PPP1R9A: variants seen among roughly 807,000 people sequenced by gnomAD.
PPP1R9A encodes neurabin-1.
PPP1R9A carries 59 observed loss-of-function variants against 141.9 expected under a neutral mutation model. That is an observed-to-expected ratio of 0.42 (90% CI 0.34 to 0.52). The LOEUF is 0.52. Ranked by LOEUF, PPP1R9A falls within the 20% of genes least tolerant of loss-of-function variation. The pLI is 0.10. For missense variants in PPP1R9A, 1,444 were observed against 1,611.9 expected (o/e 0.90, Z 1.78); for synonymous variants, 500 against 569.7 (o/e 0.88, Z 1.74).
Position 95,077,484 on chromosome 7 carries a change from T to C in PPP1R9A, c.1396-33775T>C, listed in dbSNP as rs114376167. On this transcript the variant is annotated intron_variant, in intron 2 of 19. Coordinates refer to ENST00000433360, the MANE Select transcript of PPP1R9A (RefSeq NM_001166160.2). ...AGAGAAAGGAAAAATGTATCTCTTA[T>C]ACAGATTTAAGAGTGAATGCACATT... Among the ~76,000 whole-genome samples, 831 of 152,272 alleles carry C rather than the reference T, an allele frequency of 5.5e-3. 8 individuals are homozygous for C. The highest frequency in any genetic ancestry group is 0.019 in the African/African-American group (777 of 41,574).
chr7:95,247,406 T>G, intron 8 of PPP1R9A, 67 bp from the exon 9 acceptor site: 2 of 1,329,792 alleles, frequency 1.5e-6, no homozygotes, highest in East Asian at 4.6e-5. Flanking sequence ...TTCTTGTAGC[T>G]GCTGAGGCTT....
chr7:95,170,877 CTG>C (rs1394132998), intron 5 of PPP1R9A, among the ~76,000 whole-genome samples: 5 of 151,664 alleles, frequency 3.3e-5, no homozygotes, highest in South Asian at 2.1e-4. Context: ...AAGGACATGA[CTG>C]TGTTGTTTGA....
chr7:95,224,126 A>T (rs1794822016), intron 7 of PPP1R9A, among the ~76,000 whole-genome samples: 2 of 152,134 alleles, frequency 1.3e-5, no homozygotes, highest in South Asian at 4.1e-4. Flanking sequence ...TTCACCTGCC[A>T]GTGGCAAAGA....
At chr7:95,072,641 T>C (rs1814015451) in intron 2 of PPP1R9A, among the ~76,000 whole-genome samples, 1 of 125,808 alleles carries the variant, frequency 7.9e-6, no homozygotes, top group South Asian at 2.2e-4. Context: ...TTTTATAATA[T>C]ATAATATATT....
rs190418298 is a variant in PPP1R9A, at chr7:95,179,968, G to T, written c.1754+17997G>T. 4.6e-3 allele frequency among the ~76,000 whole-genome samples: 706 copies of T among 151,990 alleles called. 5 individuals carry two copies. The highest frequency in any genetic ancestry group is 0.016 in the African/African-American group (664 of 41,480). Reference sequence around the variant, plus strand: ...ATACTGACAAAAGCAATCTCCAAATGCAATGCAATTCCCATCAAAATACCA... The same window carrying T: ...ATACTGACAAAAGCAATCTCCAAATTCAATGCAATTCCCATCAAAATACCA... On this transcript the variant is annotated intron_variant, in intron 5 of 19. Coordinates refer to ENST00000433360, the MANE Select transcript of PPP1R9A (RefSeq NM_001166160.2).
chr7:95,147,948 T>C (rs1318049961), intron 4 of PPP1R9A, among the ~76,000 whole-genome samples: 1 of 152,184 alleles, frequency 6.6e-6, no homozygotes, highest in East Asian at 1.9e-4. Flanking sequence ...GATATTGGCC[T>C]GAAATTTTCT....
intron 7 of PPP1R9A, among the ~76,000 whole-genome samples, chr7:95,209,168 G>A (rs949582642): frequency 1.1e-4 from 17 of 152,000 alleles, no homozygotes; most frequent in African/African-American, 3.9e-4. Context: ...TAGGCTTTAT[G>A]TCAACTCAGT....
In PPP1R9A at chr7:94,995,149, G is replaced by T. The variant is rs1168985238; in HGVS notation, c.1395+83641G>T. 4.0e-5 allele frequency among the ~76,000 whole-genome samples: 6 copies of T among 151,720 alleles called. No homozygotes were observed. In the East Asian group the frequency reaches 1.2e-3, roughly 29 times the overall value. On this transcript the variant is annotated intron_variant, in intron 2 of 19. Coordinates refer to ENST00000433360, the MANE Select transcript of PPP1R9A (RefSeq NM_001166160.2). Reference sequence around the variant, plus strand: ...TGATATTTTTTTTCATTACTTTAAAGAAGTTGCTGCATTATCTTCTTGCTG... The same window carrying T: ...TGATATTTTTTTTCATTACTTTAAATAAGTTGCTGCATTATCTTCTTGCTG...
chr7:95,209,023 G>C lies in PPP1R9A; in HGVS notation c.1956+5293G>C, dbSNP rs73724200. Among the ~76,000 whole-genome samples, 405 of 145,104 alleles carry C rather than the reference G, an allele frequency of 2.8e-3. 3 individuals are homozygous for C. Among genetic ancestry groups the C allele is most frequent in the African/African-American group, 0.01 (392 of 38,976 alleles). On this transcript the variant is annotated intron_variant, in intron 7 of 19. Coordinates refer to ENST00000433360, the MANE Select transcript of PPP1R9A (RefSeq NM_001166160.2). ...AATTACTCCAGAAGAGTAAGCAACT[G>C]AAATGGAATCAAGGAGGCACACACA... is the stretch of plus-strand genomic sequence containing the variant.
At chr7:95,215,955 G>C (rs1343020708) in intron 7 of PPP1R9A, among the ~76,000 whole-genome samples, 2 of 152,166 alleles carry the variant, frequency 1.3e-5, no homozygotes, top group Admixed American at 6.5e-5. Flanking sequence ...TTCTTTTGCT[G>C]TGAAGAAGCC....
intron 2 of PPP1R9A, among the ~76,000 whole-genome samples, chr7:95,082,994 A>AT (rs892464959): frequency 4.6e-5 from 7 of 151,510 alleles, no homozygotes; most frequent in Non-Finnish European, 1.0e-4. Flanking sequence ...TGACCTCATG[A>AT]TCCGCCCACC....
At chr7:95,044,112 G>T (rs1293866985) in intron 2 of PPP1R9A, among the ~76,000 whole-genome samples, 1 of 152,230 alleles carries the variant, frequency 6.6e-6, no homozygotes, top group Non-Finnish European at 1.5e-5. Flanking sequence ...AGGTGAACAG[G>T]AAATGAGGCA....
chr7:94,911,429 A>G lies in PPP1R9A; in HGVS notation c.1316A>G (p.Tyr439Cys), dbSNP rs964355652. The change falls in exon 2 of 20, where the codon TAC (tyrosine) becomes TGC (cysteine). Residue 439 changes from tyrosine (Y) to cysteine (C), a missense_variant. Physicochemically the swap from Tyr to Cys is radical, Grantham distance 194. Transcript: ENST00000433360. ...ENSYYQPDME[Y>C]SEIVGLPEEE... ...AGTTACTATCAGCCTGATATGGAGT[A>G]CTCGGAAATTGTTGGATTGCCAGAA... is the stretch of plus-strand genomic sequence containing the variant. The G allele has an allele frequency of 3.1e-6, 5 of 1,613,786 alleles. No individual in the cohort carries two copies. In the Admixed American group the frequency reaches 6.7e-5, roughly 22 times the overall value.
chr7:95,181,808 C>T (rs1423175887), intron 5 of PPP1R9A, among the ~76,000 whole-genome samples: 1 of 139,478 alleles, frequency 7.2e-6, no homozygotes, highest in Non-Finnish European at 1.5e-5. Context: ...ATATATATTC[C>T]ATCATATATA....
chr7:94,968,192 A>T (rs1194920482), intron 2 of PPP1R9A, among the ~76,000 whole-genome samples: 1 of 150,596 alleles, frequency 6.6e-6, no homozygotes, highest in African/African-American at 2.4e-5. Context: ...TTTTTTTTTG[A>T]GACGGAGTCT....
chr7:95,003,914 C>G (rs147941814), intron 2 of PPP1R9A, among the ~76,000 whole-genome samples: 73 of 152,158 alleles, frequency 4.8e-4, no homozygotes, highest in Non-Finnish European at 8.8e-4. Flanking sequence ...GATTAGCTAC[C>G]CATCTGTACT....
intron 5 of PPP1R9A, among the ~76,000 whole-genome samples, chr7:95,181,322 T>TATATATAGA (rs1312965775): frequency 3.6e-5 from 5 of 139,562 alleles, no homozygotes; most frequent in Non-Finnish European, 7.6e-5. Flanking sequence ...ATATAGAATA[T>TATATATAGA]ATATATAGAA....
intron 4 of PPP1R9A, among the ~76,000 whole-genome samples, chr7:95,127,445 T>TAAA (rs1233456999): frequency 6.6e-6 from 1 of 152,090 alleles, no homozygotes; most frequent in Non-Finnish European, 1.5e-5. Flanking sequence ...AGTCTATCGT[T>TAAA]ACTGTTTCTG....
intron 6 of PPP1R9A, among the ~76,000 whole-genome samples, chr7:95,200,199 C>T (rs1398541204): frequency 6.6e-6 from 1 of 151,600 alleles, no homozygotes; most frequent in Non-Finnish European, 1.5e-5. Context: ...GATCACAGAC[C>T]ACACATTTTC....
Sources: gnomAD v4.1 joint callset for allele counts (sites outside exome capture counted in the v4.1 genomes callset) on GRCh38, gnomAD v4.1.1 for gene constraint, MANE v1.5 for transcripts, NCBI Gene and HGNC (gene_info 2026-07-23, HGNC 2026-07-21) for gene names.